CAMKK1: variants seen among roughly 807,000 people sequenced by gnomAD.
CAMKK1 encodes the protein calcium/calmodulin-dependent protein kinase kinase 1.
In CAMKK1, 20 loss-of-function variants were observed where a neutral mutation model predicts 63.5. The ratio of observed to expected loss-of-function variants is 0.32; its 90% CI spans 0.22 to 0.46. The LOEUF is 0.46. Ranked by LOEUF, CAMKK1 falls within the 20% of genes least tolerant of loss-of-function variation. The probability of loss-of-function intolerance (pLI) is 1.00; values close to 1 mark genes in which losing one functional copy is unlikely to be tolerated. For synonymous variants in CAMKK1, 253 were observed against 269.0 expected (o/e 0.94, Z 0.58); for missense variants, 588 against 658.1 (o/e 0.89, Z 1.17).
intron 9 of CAMKK1, among the ~76,000 whole-genome samples, chr17:3,876,891 G>A (rs1452885875): frequency 6.6e-6 from 1 of 151,626 alleles, no homozygotes; most frequent in East Asian, 1.9e-4. Flanking sequence ...CCGAGTAGTT[G>A]GGATTACAGG....
rs370704644 is a variant in CAMKK1 at position 3,890,773 on chromosome 17, G to A, written c.-44+2166C>T. ...GGCCTCAGTACAAGCTGTGCCTTCT[G>A]CCAGGAACACACCTCCCTCTCCTCT... On this transcript the variant is annotated intron_variant, in intron 1 of 15. Coordinates refer to ENST00000348335, the MANE Select transcript of CAMKK1 (RefSeq NM_032294.3). This position sits in a 1 kb window ranked among gnomAD's most constrained non-coding sequence, Gnocchi z 6.5. 7.7e-6 allele frequency: 6 copies of A among 779,626 alleles called. No homozygotes were observed. Among genetic ancestry groups the A allele is most frequent in the Non-Finnish European group, 1.4e-5 (6 of 417,976 alleles). 48.3% of individuals were successfully genotyped at this position (779,626 alleles called of 1,614,324 possible). A position where few individuals can be genotyped will look rare whatever the true frequency, so the allele number is the denominator to read the frequency against.
chr17:3,890,660 G>A lies in CAMKK1; in HGVS notation c.-44+2279C>T, dbSNP rs774956496. On this transcript the variant is annotated intron_variant, in intron 1 of 15. Transcript: ENST00000348335. The surrounding 1 kb of genome is among the most constrained non-coding windows in gnomAD (Gnocchi z 6.5). ...CCTTGTCACTCGTCCTTTCCCTGTT[G>A]CCCACCCTTGCTCCCCACAACCCCA... 3.2e-5 allele frequency: 25 copies of A among 779,406 alleles called. No homozygotes were observed. The highest frequency in any genetic ancestry group is 9.6e-6 in the Non-Finnish European group (4 of 417,894). The allele number at this position is 779,406 out of a possible 1,614,324, so 48.3% of individuals were successfully genotyped here. A position where few individuals can be genotyped will look rare whatever the true frequency, so the allele number is the denominator to read the frequency against.
Position 3,890,818 on chromosome 17 carries a change from A to G in CAMKK1, c.-44+2121T>C, listed in dbSNP as rs1440960999. The G allele has an allele frequency of 3.9e-6, 3 of 778,386 alleles. No homozygotes were observed. In the African/African-American group the frequency reaches 5.1e-5, roughly 13 times the overall value. 48.2% of individuals were successfully genotyped at this position (778,386 alleles called of 1,614,324 possible). ...TCCTCTGCTGCCTGGAGGACAGCTC[A>G]GACATCGCCTCTTCTGAGCCCTCCT... On this transcript the variant is annotated intron_variant, in intron 1 of 15. Transcript: ENST00000348335. The surrounding 1 kb of genome is among the most constrained non-coding windows in gnomAD (Gnocchi z 6.5).
intron 9 of CAMKK1, among the ~76,000 whole-genome samples, chr17:3,878,136 C>G (rs2055248713): frequency 6.6e-6 from 1 of 152,172 alleles, no homozygotes; most frequent in South Asian, 2.1e-4. Flanking sequence ...ATTCCAGATC[C>G]AACTGCTTCT....
intron 14 of CAMKK1, among the ~76,000 whole-genome samples, chr17:3,867,312 A>G (rs1023250945): frequency 2.6e-5 from 4 of 152,298 alleles, no homozygotes; most frequent in African/African-American, 9.6e-5. Context: ...AGCCCCTTCC[A>G]TGGCACGTGG....
intron 12 of CAMKK1, among the ~76,000 whole-genome samples, chr17:3,871,583 C>G (rs1443115444): frequency 1.3e-5 from 2 of 149,632 alleles, no homozygotes; most frequent in Non-Finnish European, 3.0e-5. Flanking sequence ...GTCTCGATCT[C>G]CTGACCTCGT....
At chr17:3,866,060 C>A (rs1438810180) in intron 14 of CAMKK1, 49 bp from the exon 15 acceptor site, 1 of 1,598,954 alleles carries the variant, frequency 6.3e-7, no homozygotes, top group Non-Finnish European at 8.5e-7. Context: ...GGCTCCCAGA[C>A]ACGCAGCCTC....
chr17:3,886,742 A>G (rs966125048), intron 1 of CAMKK1, among the ~76,000 whole-genome samples: 3 of 151,992 alleles, frequency 2.0e-5, no homozygotes, highest in African/African-American at 7.3e-5. Flanking sequence ...AACATCAGGG[A>G]GGTGACCCCC....
rs1429941639 is a variant in CAMKK1 at position 3,865,922 on chromosome 17, T to C, written c.1431A>G (p.Pro477=). ...ARREERSMSA[P]GNLLVKEGFG... ...CCAGTACTTACACCAGTAGGTTTCC[T>C]GGAGCAGACATGGATCGCTCTTCCC... The change falls in exon 15 of 16, where the codon CCA becomes CCG. Residue 477 remains proline, a synonymous_variant. Coordinates refer to ENST00000348335, the MANE Select transcript of CAMKK1 (RefSeq NM_032294.3). 1.2e-6 allele frequency: 2 copies of C among 1,614,206 alleles called. No homozygotes were observed. The highest frequency in any genetic ancestry group is 3.3e-5 in the Admixed American group (2 of 60,024).
chr17:3,880,617 T>C (rs760015698), intron 8 of CAMKK1, among the ~76,000 whole-genome samples, 183 bp from the exon 9 acceptor site: 1 of 152,250 alleles, frequency 6.6e-6, no homozygotes, highest in Non-Finnish European at 1.5e-5. Flanking sequence ...ATTTCAATCA[T>C]AATTTCAAAT....
intron 1 of CAMKK1, among the ~76,000 whole-genome samples, chr17:3,886,246 C>T (rs2055647229): frequency 1.3e-5 from 2 of 152,202 alleles, no homozygotes; most frequent in Admixed American, 6.5e-5. Context: ...CTTGATGTTT[C>T]AGCCTCCTAC....
In CAMKK1 at chr17:3,884,701, G is replaced by A. The variant is rs1010159875; in HGVS notation, c.361-274C>T. ...TGGTGAAGGGAAAACGCTAATTCCTGTCTGGATTCTGGAGTCTGGAAGACC... is the reference window on the plus strand; with the variant it reads ...TGGTGAAGGGAAAACGCTAATTCCTATCTGGATTCTGGAGTCTGGAAGACC... On this transcript the variant is annotated intron_variant, in intron 2 of 15. Transcript: ENST00000348335. This position sits in a 1 kb window ranked among gnomAD's most constrained non-coding sequence, Gnocchi z 4.5. Among the ~76,000 whole-genome samples the A allele has an allele frequency of 6.6e-6, 1 of 152,172 alleles. No individual in the cohort carries two copies. The highest frequency in any genetic ancestry group is 1.5e-5 in the Non-Finnish European group (1 of 68,038).
At chr17:3,868,087 G>A (rs148481306) in intron 14 of CAMKK1, among the ~76,000 whole-genome samples, 33,544 of 47,236 alleles carry the variant, frequency 0.71, 12,150 homozygotes, top group East Asian at 0.8. Context: ...ACTGATACGT[G>A]GGCTCTGGGG....
intron 1 of CAMKK1, among the ~76,000 whole-genome samples, chr17:3,888,228 G>A (rs1007358745): frequency 2.0e-5 from 3 of 152,202 alleles, no homozygotes; most frequent in African/African-American, 4.8e-5. Context: ...TAAAATTTGC[G>A]TATTTCCTTG....
rs377752333 is a variant in CAMKK1 at position 3,862,240 on chromosome 17, C to T, written c.1489G>A (p.Gly497Ser). The T allele has an allele frequency of 1.7e-5, 27 of 1,591,134 alleles. No individual in the cohort carries two copies. Among genetic ancestry groups the T allele is most frequent in the Admixed American group, 3.5e-5 (2 of 57,300 alleles). ...GATGCAGCCTCGTCTTCCTGGACGC[C>T]GGGGAGCTCTGGGCTCTTGCCCCCT... Reference protein sequence around the residue: ...GEGGKSPELPGVQEDEAAS With the variant: ...GEGGKSPELPSVQEDEAAS The change falls in exon 16 of 16, where the codon GGC (glycine) becomes AGC (serine). Residue 497 changes from glycine to serine, a missense_variant. Gly to Ser is a moderately conservative substitution (Grantham distance 56). Around this residue, in one of 3 missense-constraint regions of CAMKK1, gnomAD observed 226 missense variants for 229.2 expected, o/e 0.99. Coordinates refer to ENST00000348335, the MANE Select transcript of CAMKK1 (RefSeq NM_032294.3). The surrounding 1 kb of genome is among the most constrained non-coding windows in gnomAD (Gnocchi z 4.1).
In CAMKK1 at chr17:3,862,568, C is replaced by A. The variant is rs1028756823; in HGVS notation, c.1446-285G>T. ...CCTCTGGAGCTGCTCACAGTCTGAC[C>A]CAGCTGACTTCCCTACATCCTCCAA... On this transcript the variant is annotated intron_variant, in intron 15 of 15. Coordinates refer to ENST00000348335, the MANE Select transcript of CAMKK1 (RefSeq NM_032294.3). This position sits in a 1 kb window ranked among gnomAD's most constrained non-coding sequence, Gnocchi z 4.1. Among the ~76,000 whole-genome samples, 9 of 152,172 alleles carry A rather than the reference C, an allele frequency of 5.9e-5. No individual in the cohort carries two copies. Among genetic ancestry groups the A allele is most frequent in the African/African-American group, 2.2e-4 (9 of 41,442 alleles).
At position 3,885,459 on chromosome 17, in the gene CAMKK1, C is replaced by T. The variant is rs780825500; in HGVS notation, c.229G>A (p.Glu77Lys). 6.2e-7 allele frequency: 1 copy of T among 1,613,558 alleles called. No individual in the cohort carries two copies. The highest frequency in any genetic ancestry group is 8.5e-7 in the Non-Finnish European group (1 of 1,179,990). The change falls in exon 2 of 16, where the codon GAG becomes AAG. Residue 77 changes from glutamate (E) to lysine (K), a missense_variant. Physicochemically the swap from Glu to Lys is moderately conservative, Grantham distance 56. This residue lies in a region of CAMKK1 where 357 missense variants were observed against 407.4 expected (regional missense o/e 0.88). Transcript: ENST00000348335. ...TCCAGATAGCTTCCTGCTGGCCGCT[C>T]CTGTAGGGAAAGCTTCCTGGCTGAG... The part of the protein sequence containing the change: ...SLSARKLSLQ[E>K]RPAGSYLEAQ...
Position 3,890,579 on chromosome 17 carries a change from C to T in CAMKK1, c.-44+2360G>A, listed in dbSNP as rs138869863. ...GTCCTCCTCTGTCTCCATTGCGAGA[C>T]GGGTACCACACCCTCCCCATTCTTT... On this transcript the variant is annotated intron_variant, in intron 1 of 15. Transcript: ENST00000348335. This position sits in a 1 kb window ranked among gnomAD's most constrained non-coding sequence, Gnocchi z 6.5. 3.0e-3 allele frequency: 2,314 copies of T among 766,214 alleles called. 6 individuals are homozygous for T. Among genetic ancestry groups the T allele is most frequent in the Non-Finnish European group, 4.5e-3 (1,856 of 409,132 alleles). 47.5% of individuals were successfully genotyped at this position (766,214 alleles called of 1,614,324 possible).
chr17:3,865,286 A>G, intron 15 of CAMKK1: 1 of 986,836 alleles, frequency 1.0e-6, no homozygotes, highest in Non-Finnish European at 1.2e-6. Flanking sequence ...GGCTCACCAT[A>G]GGGAGCCCTC....
Sources: allele counts gnomAD v4.1 joint callset (sites outside exome capture counted in the v4.1 genomes callset), GRCh38; gene constraint gnomAD v4.1.1; regional missense constraint gnomAD v4.1.1; non-coding constraint Gnocchi (gnomAD v3.1); transcripts MANE v1.5; gene names NCBI Gene and HGNC (gene_info 2026-07-23, HGNC 2026-07-21).